The following CSMD1 variants were observed in gnomAD, a reference collection of about 807,000 sequenced individuals.
CSMD1 encodes the protein CUB and sushi domain-containing protein 1.
Under a neutral mutation model 417.5 loss-of-function variants are expected in CSMD1, and 213 were observed. The observed-to-expected ratio is 0.51, with a 90% CI of 0.46 to 0.57. The LOEUF is 0.57. Among genes scored for constraint, CSMD1 ranks in the 20% least tolerant of loss-of-function variants. The probability of loss-of-function intolerance (pLI) is 0.00; values close to 1 mark genes in which losing one functional copy is unlikely to be tolerated. For missense variants in CSMD1, 6,923 were observed against 4,529.7 expected (o/e 1.53, Z -15.17); for synonymous variants, 2,862 against 1,736.8 (o/e 1.65, Z -16.11).
chr8:4,673,535 G>A (rs921698861), intron 1 of CSMD1, among the ~76,000 whole-genome samples: 5 of 152,146 alleles, frequency 3.3e-5, no homozygotes, highest in African/African-American at 9.7e-5. Flanking sequence ...ACAGCTCTCA[G>A]TTAGTTCCCC....
At chr8:4,556,744 A>G (rs1411503016) in intron 2 of CSMD1, among the ~76,000 whole-genome samples, 1 of 152,230 alleles carries the variant, frequency 6.6e-6, no homozygotes, top group Non-Finnish European at 1.5e-5. Flanking sequence ...AGCATCGCAA[A>G]GTCGAAAACC....
chr8:4,444,480 C>G (rs777533711), intron 2 of CSMD1, among the ~76,000 whole-genome samples: 2 of 151,028 alleles, frequency 1.3e-5, no homozygotes, highest in Non-Finnish European at 2.9e-5. Context: ...CATAAGCAGT[C>G]GCATTCAATT....
intron 5 of CSMD1, among the ~76,000 whole-genome samples, chr8:3,868,995 C>T (rs116398023): frequency 1.5e-3 from 231 of 152,334 alleles, no homozygotes; most frequent in African/African-American, 5.3e-3. Flanking sequence ...ATGCCGATGG[C>T]TTTCCAGCTC....
chr8:4,650,161 C>A (rs1018355919), intron 1 of CSMD1, among the ~76,000 whole-genome samples: 1 of 151,778 alleles, frequency 6.6e-6, no homozygotes, highest in Non-Finnish European at 1.5e-5. Context: ...CTGGCTAACA[C>A]GGTGAAACCC....
intron 3 of CSMD1, among the ~76,000 whole-genome samples, chr8:4,236,056 T>C (rs1016493193): frequency 1.1e-5 from 1 of 94,070 alleles, no homozygotes; most frequent in Non-Finnish European, 2.6e-5. Flanking sequence ...TTTTTTTTTT[T>C]TTTTTTTTTT....
At position 3,399,529 on chromosome 8, in the gene CSMD1, G is replaced by A; in HGVS notation, c.2267C>T (p.Ala756Val). 2 of 1,582,478 alleles carry A rather than the reference G, an allele frequency of 1.3e-6. No homozygotes were observed. The highest frequency in any genetic ancestry group is 2.3e-5 in the East Asian group (1 of 44,030). The change falls in exon 16 of 70, where the codon GCT becomes GTT. Residue 756 changes from alanine (A) to valine (V), a missense_variant and splice_region_variant. Transcript: ENST00000635120. ...VWSSTVPRCE[A>V]PCGGHLTASS... ...CGCTGTCAGATGTCCACCACATGGAGCTAAAACAAGACGTAGAATATCTAT... is the reference window on the plus strand; with the variant it reads ...CGCTGTCAGATGTCCACCACATGGAACTAAAACAAGACGTAGAATATCTAT...
chr8:3,838,810 T>A (rs1283408195), intron 5 of CSMD1, among the ~76,000 whole-genome samples: 1 of 105,094 alleles, frequency 9.5e-6, no homozygotes, highest in African/African-American at 4.3e-5. Context: ...TATATAATAA[T>A]TATATATACT....
At chr8:3,317,914 G>C (rs138940154) in intron 23 of CSMD1, among the ~76,000 whole-genome samples, 7 of 152,110 alleles carry the variant, frequency 4.6e-5, no homozygotes, top group Non-Finnish European at 7.4e-5. Flanking sequence ...AGGCTCAAGC[G>C]ATCCTCCCAC....
In CSMD1 at chr8:4,890,911, T is replaced by C. The variant is rs116622342; in HGVS notation, c.85+103421A>G. On this transcript the variant is annotated intron_variant, in intron 1 of 69. Coordinates refer to ENST00000635120, the MANE Select transcript of CSMD1 (RefSeq NM_033225.6). ...ACCCCTAGAGCTCACAAGGAGGGAG[T>C]GGTGCACCTGGGGAAACGCAAAGGC... 1.3e-3 allele frequency among the ~76,000 whole-genome samples: 191 copies of C among 151,322 alleles called. 3 individuals carry two copies. The highest frequency in any genetic ancestry group is 4.3e-3 in the African/African-American group (178 of 41,130).
chr8:3,575,230 G>T (rs1207073411), intron 9 of CSMD1, among the ~76,000 whole-genome samples, 164 bp from the exon 10 acceptor site: 1 of 151,018 alleles, frequency 6.6e-6, no homozygotes, highest in Admixed American at 6.6e-5. Flanking sequence ...CAGTCAGCAA[G>T]TGGATTGCTC....
chr8:4,247,548 G>A (rs950911924), intron 3 of CSMD1, among the ~76,000 whole-genome samples: 3 of 152,216 alleles, frequency 2.0e-5, no homozygotes, highest in African/African-American at 4.8e-5. Flanking sequence ...AGAATCAAAG[G>A]CTTTTAAGAA....
chr8:3,398,728 T>C (rs1811851541), intron 16 of CSMD1, among the ~76,000 whole-genome samples: 1 of 152,180 alleles, frequency 6.6e-6, no homozygotes, highest in Non-Finnish European at 1.5e-5. Context: ...CTTTTTAGTT[T>C]TTAATCATCA....
chr8:3,657,839 TATA>T (rs972237707), intron 7 of CSMD1, among the ~76,000 whole-genome samples: 5 of 152,264 alleles, frequency 3.3e-5, no homozygotes, highest in African/African-American at 7.2e-5. Context: ...GAACTTGAAG[TATA>T]ATAATAATAA....
intron 1 of CSMD1, among the ~76,000 whole-genome samples, chr8:4,780,744 C>A (rs1797114507): frequency 6.6e-6 from 1 of 152,052 alleles, no homozygotes; most frequent in East Asian, 1.9e-4. Context: ...ACCAAGTCCC[C>A]AAAATCCATT....
At chr8:3,111,051 T>C (rs182971705) in intron 42 of CSMD1, among the ~76,000 whole-genome samples, 24 of 152,316 alleles carry the variant, frequency 1.6e-4, no homozygotes, top group African/African-American at 5.3e-4. Flanking sequence ...AATATTCATA[T>C]AGTGCATCAA....
chr8:3,389,626 T>C (rs923504877), intron 17 of CSMD1, among the ~76,000 whole-genome samples: 1 of 43,682 alleles, frequency 2.3e-5, no homozygotes, highest in Non-Finnish European at 4.4e-5. Context: ...TAAGTGAGGA[T>C]TATATATTAA....
At chr8:4,473,652 G>A (rs560855224) in intron 2 of CSMD1, among the ~76,000 whole-genome samples, 1 of 152,142 alleles carries the variant, frequency 6.6e-6, no homozygotes, top group East Asian at 1.9e-4. Context: ...CTTTATCTGT[G>A]AAAACAAAGA....
chr8:3,417,252 C>T lies in CSMD1; in HGVS notation c.1562-7647G>A, dbSNP rs115097597. On this transcript the variant is annotated intron_variant, in intron 12 of 69. Coordinates refer to ENST00000635120, the MANE Select transcript of CSMD1 (RefSeq NM_033225.6). ...ATAAGAGGGACCTTTAAATTCCATA[C>T]GGTTTGCTACTGGATTGCAATTAAT... 8.6e-3 allele frequency among the ~76,000 whole-genome samples: 1,307 copies of T among 152,240 alleles called. 19 individuals are homozygous for T. Among genetic ancestry groups the T allele is most frequent in the African/African-American group, 0.03 (1,247 of 41,536 alleles).
intron 3 of CSMD1, among the ~76,000 whole-genome samples, chr8:4,305,547 G>A (rs569161514): frequency 1.3e-5 from 2 of 152,272 alleles, no homozygotes; most frequent in South Asian, 2.1e-4. Context: ...CAGTATTGCT[G>A]TTCTCTCTGG....
Sources: allele counts gnomAD v4.1 joint callset (sites outside exome capture counted in the v4.1 genomes callset), GRCh38; gene constraint gnomAD v4.1.1; transcripts MANE v1.5; gene names NCBI Gene and HGNC (gene_info 2026-07-23, HGNC 2026-07-21).